Variants in FAM229B observed in about 807,000 individuals in gnomAD.
The protein encoded by FAM229B is family with sequence similarity 229 member B, also known as protein FAM229B.
In FAM229B, 2 loss-of-function variants were observed where a neutral mutation model predicts 6.7. That is an observed-to-expected ratio of 0.30 (90% CI 0.12 to 0.94). FAM229B has a LOEUF of 0.94. Ranked by LOEUF, FAM229B falls within the 40% of genes least tolerant of loss-of-function variation. The pLI is 0.54. For synonymous variants in FAM229B, 29 were observed against 34.0 expected, an observed-to-expected ratio of 0.85 and a Z score of 0.51; for missense variants, 93 against 96.2, an observed-to-expected ratio of 0.97 and a Z score of 0.14.
intron 3 of FAM229B, among the ~76,000 whole-genome samples, chr6:112,099,635 A>G (rs782802404): frequency 3.5e-4 from 53 of 152,218 alleles, no homozygotes; most frequent in Non-Finnish European, 6.0e-4. Flanking sequence ...TTTCTGGTAC[A>G]TTTTTAGCTA....
Position 112,100,658 on chromosome 6 carries a change from T to G in FAM229B, c.126-12T>G, listed in dbSNP as rs1554319159. On this transcript the variant is annotated splice_polypyrimidine_tract_variant and intron_variant, in intron 3 of 3. Transcript: ENST00000368656. ...TAGTATCTAACTACATGTCATCTGC[T>G]TTTTTATTCAGGCAACTCCGGAGGT... is the stretch of plus-strand genomic sequence containing the variant. 3 of 1,596,598 alleles carry G rather than the reference T, an allele frequency of 1.9e-6. No individual in the cohort carries two copies. The South Asian group carries it at 3.3e-5, about 18-fold the overall frequency.
Position 112,099,400 on chromosome 6 carries a change from A to G in FAM229B, c.117A>G (p.Ser39=), listed in dbSNP as rs782264416. Residue 39 remains serine (S), a synonymous_variant, in exon 3 of 4, where the codon TCA becomes TCG. Coordinates refer to ENST00000368656, the MANE Select transcript of FAM229B (RefSeq NM_001033564.3). ...SSAACNGKEM[S]PTRQLRRCPG... is the part of the protein sequence containing the mutation. ...CTGCCTGTAATGGGAAGGAGATGTC[A>G]CCAACCAGGTAAAGTCTTCTGTCCT... is the stretch of plus-strand genomic sequence containing the variant. 3.1e-6 allele frequency: 5 copies of G among 1,613,234 alleles called. No homozygotes were observed. In the Admixed American group the frequency reaches 8.4e-5, roughly 27 times the overall value.
chr6:112,099,215 C>T (rs1777363430), intron 2 of FAM229B, 55 bp from the exon 3 acceptor site: 1 of 1,457,926 alleles, frequency 6.9e-7, no homozygotes, highest in East Asian at 2.3e-5. Context: ...TATCTCCACC[C>T]CCAATATTTT....
intron 1 of FAM229B, among the ~76,000 whole-genome samples, chr6:112,090,637 G>A (rs1554318096): frequency 1.3e-5 from 2 of 152,048 alleles, no homozygotes; most frequent in African/African-American, 4.8e-5. Flanking sequence ...TGTCCATTGA[G>A]GGGTGTCTGG....
At chr6:112,093,596 A>G (rs1777285228) in intron 1 of FAM229B, among the ~76,000 whole-genome samples, 1 of 152,130 alleles carries the variant, frequency 6.6e-6, no homozygotes, top group Non-Finnish European at 1.5e-5. Context: ...TTACCAAAGC[A>G]GTTTATATTC....
At chr6:112,095,996 T>C (rs1777320168) in intron 1 of FAM229B, among the ~76,000 whole-genome samples, 1 of 152,160 alleles carries the variant, frequency 6.6e-6, no homozygotes, top group Admixed American at 6.5e-5. Flanking sequence ...ATAACTTGAG[T>C]CATATGAAAA....
intron 2 of FAM229B, among the ~76,000 whole-genome samples, chr6:112,098,249 A>G (rs1777352056): frequency 6.6e-6 from 1 of 152,170 alleles, no homozygotes; most frequent in Non-Finnish European, 1.5e-5. Context: ...GTAAATTCAG[A>G]CTTAATGGAT....
At chr6:112,100,419 C>T (rs1410739067) in intron 3 of FAM229B, among the ~76,000 whole-genome samples, 1 of 152,148 alleles carries the variant, frequency 6.6e-6, no homozygotes, top group African/African-American at 2.4e-5. Context: ...TCAAAATCAA[C>T]ATCCGGAGGA....
At chr6:112,091,432 C>T (rs1777255613) in intron 1 of FAM229B, among the ~76,000 whole-genome samples, 1 of 152,132 alleles carries the variant, frequency 6.6e-6, no homozygotes, top group Non-Finnish European at 1.5e-5. Context: ...GACTAATTCA[C>T]ATTCCCCGTA....
At chr6:112,099,734 A>T (rs983255709) in intron 3 of FAM229B, among the ~76,000 whole-genome samples, 4 of 152,240 alleles carry the variant, frequency 2.6e-5, no homozygotes. Flanking sequence ...ACATTCAATT[A>T]AACAAACAAA....
rs1554318964 is a variant in FAM229B, at chr6:112,099,260, T to C, written c.-14-10T>C. 6.2e-7 allele frequency: 1 copy of C among 1,602,836 alleles called. No homozygotes were observed. Among genetic ancestry groups the C allele is most frequent in the Non-Finnish European group, 8.5e-7 (1 of 1,175,468 alleles). ...ATCTAGGTTTTCAATATTTTAACTT[T>C]CCGATCTAGGTTTTCAGTGAAGTAT... On this transcript the variant is annotated splice_polypyrimidine_tract_variant and intron_variant, in intron 2 of 3. Coordinates refer to ENST00000368656, the MANE Select transcript of FAM229B (RefSeq NM_001033564.3).
At chr6:112,100,602 T>A in intron 3 of FAM229B, 68 bp from the exon 4 acceptor site, 1 of 1,006,764 alleles carries the variant, frequency 9.9e-7, no homozygotes. Flanking sequence ...AATCAAACTT[T>A]GGTGCTCTGA....
chr6:112,095,679 A>AAAG (rs1777316035), intron 1 of FAM229B, among the ~76,000 whole-genome samples: 1 of 120,734 alleles, frequency 8.3e-6, no homozygotes, highest in African/African-American at 3.8e-5. Context: ...AAAAAAAAAG[A>AAAG]AAAAAAAAAA....
At chr6:112,089,871 A>G (rs72948326) in intron 1 of FAM229B, among the ~76,000 whole-genome samples, 32,524 of 151,964 alleles carry the variant, frequency 0.21, 3,862 homozygotes, top group Middle Eastern at 0.27. Flanking sequence ...ATAAAAAAAA[A>G]GGAAGAAAAA....
At chr6:112,099,554 G>A (rs4496838) in intron 3 of FAM229B, 146 bp downstream of exon 3, 6 of 693,974 alleles carry the variant, frequency 8.6e-6, no homozygotes, top group Non-Finnish European at 1.3e-5. Flanking sequence ...ACAGAGCCCA[G>A]TTTTCCTTAG....
At chr6:112,092,865 C>G (rs927775594) in intron 1 of FAM229B, among the ~76,000 whole-genome samples, 7 of 151,458 alleles carry the variant, frequency 4.6e-5, no homozygotes, top group African/African-American at 1.7e-4. Flanking sequence ...ACTATAAACC[C>G]TAAAGTAACA....
In FAM229B at chr6:112,087,646, T is replaced by A; in HGVS notation, c.-250T>A. 1 of 595,370 alleles carries A rather than the reference T, an allele frequency of 1.7e-6. No homozygotes were observed. 36.9% of individuals were successfully genotyped at this position (595,370 alleles called of 1,614,324 possible). ...TCACCGTTACCGTAGCGACTGGGCT[T>A]CTGGACTGTATATCCTAGCTGCCTT... On this transcript the variant is annotated 5_prime_UTR_variant, in exon 1 of 4. Coordinates refer to ENST00000368656, the MANE Select transcript of FAM229B (RefSeq NM_001033564.3).
intron 1 of FAM229B, among the ~76,000 whole-genome samples, chr6:112,089,964 G>A (rs587699051): frequency 1.4e-4 from 21 of 152,160 alleles, no homozygotes; most frequent in Admixed American, 1.3e-3. Flanking sequence ...CCTCATTAAG[G>A]CATTCAACTT....
intron 1 of FAM229B, among the ~76,000 whole-genome samples, chr6:112,091,548 C>T (rs1777257139): frequency 6.6e-6 from 1 of 152,144 alleles, no homozygotes; most frequent in South Asian, 2.1e-4. Flanking sequence ...CTGTTGTAAT[C>T]TAGCTTAAGA....
Sources: allele counts gnomAD v4.1 joint callset (sites outside exome capture counted in the v4.1 genomes callset), GRCh38; gene constraint gnomAD v4.1.1; transcripts MANE v1.5; gene names NCBI Gene and HGNC (gene_info 2026-07-23, HGNC 2026-07-21).